Variants in UBAC2 observed in about 807,000 individuals in gnomAD.
The protein encoded by UBAC2 is UBA domain containing 2.
Under a neutral mutation model 44.0 loss-of-function variants are expected in UBAC2, and 26 were observed. The ratio of observed to expected loss-of-function variants is 0.59; its 90% CI spans 0.43 to 0.82. The LOEUF (loss-of-function observed/expected upper bound fraction) is 0.82. Among genes scored for constraint, UBAC2 ranks in the 40% least tolerant of loss-of-function variants. The probability of loss-of-function intolerance (pLI) is 0.00; values close to 1 mark genes in which losing one functional copy is unlikely to be tolerated. For synonymous variants in UBAC2, 155 were observed against 154.3 expected (o/e 1.00, Z -0.04); for missense variants, 329 against 419.4 (o/e 0.78, Z 1.88).
intron 8 of UBAC2, among the ~76,000 whole-genome samples, chr13:99,379,188 G>C (rs1347339652): frequency 6.6e-6 from 1 of 152,256 alleles, no homozygotes; most frequent in Non-Finnish European, 1.5e-5. Flanking sequence ...TGTCATGCAA[G>C]TTTACGCTTA....
chr13:99,248,297 C>T (rs1357188344), intron 4 of UBAC2, among the ~76,000 whole-genome samples: 1 of 152,014 alleles, frequency 6.6e-6, no homozygotes, highest in African/African-American at 2.4e-5. Context: ...GATCATAGCT[C>T]ACTGTCACCT....
chr13:99,226,802 C>T (rs932281147), intron 1 of UBAC2, among the ~76,000 whole-genome samples: 5 of 152,086 alleles, frequency 3.3e-5, no homozygotes. Flanking sequence ...CTTTTTTTTC[C>T]TCCAGAATCA....
chr13:99,295,572 A>G lies in UBAC2; in HGVS notation c.390-18525A>G. On this transcript the variant is annotated intron_variant, in intron 4 of 8. Transcript: ENST00000403766. The surrounding 1 kb of genome is among the most constrained non-coding windows in gnomAD (Gnocchi z 4.1). ...GCCCCAAGCAGAATCCAGGGAAGAG[A>G]TTTAGTTTCTTCAAAGTTTGGATAC... 6.2e-7 allele frequency: 1 copy of G among 1,613,906 alleles called. No individual in the cohort carries two copies. The highest frequency in any genetic ancestry group is 8.5e-7 in the Non-Finnish European group (1 of 1,179,990).
rs537333889 is a variant in UBAC2, at chr13:99,346,854, T to C, written c.807+6289T>C. Among the ~76,000 whole-genome samples, 5 of 152,342 alleles carry C rather than the reference T, an allele frequency of 3.3e-5. 1 individual carries two copies. Among genetic ancestry groups the C allele is most frequent in the South Asian group, 4.1e-4 (2 of 4,826 alleles). On this transcript the variant is annotated intron_variant, in intron 7 of 8. Coordinates refer to ENST00000403766, the MANE Select transcript of UBAC2 (RefSeq NM_001144072.2). ...GGATGGAGCAGACTTGTTTTCTGTA[T>C]ATCTCCAGTGTGTGAATAATGCCTG...
chr13:99,253,285 A>C (rs2043482090), intron 4 of UBAC2, among the ~76,000 whole-genome samples: 1 of 152,014 alleles, frequency 6.6e-6, no homozygotes, highest in Non-Finnish European at 1.5e-5. Flanking sequence ...TTATTGAAAA[A>C]TTGGTGTTTG....
At chr13:99,366,821 C>T (rs762004758) in intron 7 of UBAC2, among the ~76,000 whole-genome samples, 2 of 152,160 alleles carry the variant, frequency 1.3e-5, no homozygotes, top group African/African-American at 4.8e-5. Context: ...TCACAGTGTG[C>T]GGCTCTGCTT....
chr13:99,227,328 A>C (rs758025892), intron 1 of UBAC2, among the ~76,000 whole-genome samples: 1 of 152,196 alleles, frequency 6.6e-6, no homozygotes. Context: ...CTCCACTGCA[A>C]GTTACCTAGG....
chr13:99,294,913 C>T, intron 4 of UBAC2: 1 of 788,732 alleles, frequency 1.3e-6, no homozygotes, highest in South Asian at 1.9e-5. Flanking sequence ...CTTGGGCTTA[C>T]TTCCGAGTTG....
intron 3 of UBAC2, among the ~76,000 whole-genome samples, chr13:99,244,177 G>A (rs574598812): frequency 6.6e-6 from 1 of 152,042 alleles, no homozygotes; most frequent in South Asian, 2.1e-4. Context: ...TATTAGTTGT[G>A]AACACTAATA....
In UBAC2 at chr13:99,340,563, C is replaced by G. The variant is rs536855438; in HGVS notation, c.805C>G (p.Gln269Glu). The G allele has an allele frequency of 2.5e-6, 4 of 1,609,844 alleles. No individual in the cohort carries two copies. The Admixed American group carries it at 6.7e-5, about 27-fold the overall frequency. Residue 269 changes from glutamine to glutamate, a missense_variant and splice_region_variant, in exon 7 of 9, where the codon CAG becomes GAG. Gln to Glu is a conservative substitution (Grantham distance 29). Coordinates refer to ENST00000403766, the MANE Select transcript of UBAC2 (RefSeq NM_001144072.2). ...ACAAGGGAGGCGACAGAGACAGCAG[C>G]AGGTAAAAGTGATAATAATCACTAA... is the stretch of plus-strand genomic sequence containing the variant. Reference protein sequence around the residue: ...FAQGRRQRQQQGGMINWNRLF... With the variant: ...FAQGRRQRQQEGGMINWNRLF...
intron 6 of UBAC2, among the ~76,000 whole-genome samples, chr13:99,335,717 C>T (rs536066761): frequency 3.3e-5 from 5 of 152,182 alleles, no homozygotes; most frequent in Non-Finnish European, 7.4e-5. Context: ...GCAGCTGTTC[C>T]CCTCTTGGGG....
intron 8 of UBAC2, among the ~76,000 whole-genome samples, chr13:99,381,679 C>T (rs946184984): frequency 1.3e-5 from 2 of 152,140 alleles, no homozygotes; most frequent in Non-Finnish European, 2.9e-5. Flanking sequence ...GGAAAGACCA[C>T]CTTGATCAGA....
chr13:99,240,110 T>G (rs1441880571), intron 2 of UBAC2, among the ~76,000 whole-genome samples: 1 of 152,124 alleles, frequency 6.6e-6, no homozygotes, highest in African/African-American at 2.4e-5. Flanking sequence ...GAGGGCTCAG[T>G]TGATGAAGGG....
At chr13:99,320,954 A>G (rs2138782869) in intron 6 of UBAC2, among the ~76,000 whole-genome samples, 1 of 152,370 alleles carries the variant, frequency 6.6e-6, no homozygotes, top group South Asian at 2.1e-4. Flanking sequence ...ATAAAATACT[A>G]ACAAAATAAA....
intron 8 of UBAC2, among the ~76,000 whole-genome samples, chr13:99,378,596 T>C (rs993297014): frequency 3.3e-5 from 5 of 152,224 alleles, no homozygotes; most frequent in Admixed American, 2.0e-4. Context: ...CGAAGGTATA[T>C]TTTTTACCTG....
intron 7 of UBAC2, among the ~76,000 whole-genome samples, chr13:99,359,166 G>A (rs190782559): frequency 4.3e-4 from 65 of 152,330 alleles, no homozygotes; most frequent in South Asian, 1.9e-3. Flanking sequence ...GGAAGAGAAT[G>A]TCGAGGAAGA....
intron 4 of UBAC2, among the ~76,000 whole-genome samples, chr13:99,254,236 G>A (rs958178257): frequency 2.0e-5 from 3 of 152,178 alleles, no homozygotes; most frequent in Admixed American, 6.5e-5. Flanking sequence ...TGGATTATTG[G>A]ATAGAAATAG....
chr13:99,318,592 G>A (rs1386668423), intron 6 of UBAC2, among the ~76,000 whole-genome samples: 1 of 150,866 alleles, frequency 6.6e-6, no homozygotes, highest in African/African-American at 2.4e-5. Flanking sequence ...AGGCTGAGGC[G>A]GGCAGATCAT....
intron 4 of UBAC2, chr13:99,254,889 A>G (rs1485941018): frequency 8.1e-6 from 13 of 1,610,620 alleles, no homozygotes; most frequent in South Asian, 3.3e-5. Context: ...ATAACATTTC[A>G]CTGTTTATAT....
Sources: allele counts gnomAD v4.1 joint callset (sites outside exome capture counted in the v4.1 genomes callset), GRCh38; gene constraint gnomAD v4.1.1; non-coding constraint Gnocchi (gnomAD v3.1); transcripts MANE v1.5; gene names NCBI Gene and HGNC (gene_info 2026-07-23, HGNC 2026-07-21).